Variants in SLC30A8 observed in about 807,000 individuals in gnomAD.
SLC30A8 encodes solute carrier family 30 member 8.
In SLC30A8, 27 loss-of-function variants were observed where a neutral mutation model predicts 36.9. The ratio of observed to expected loss-of-function variants is 0.73; its 90% confidence interval spans 0.54 to 1.01. SLC30A8 has a LOEUF of 1.01. SLC30A8 is among the 50% of genes least tolerant of loss of function. The pLI, the probability that SLC30A8 is intolerant of heterozygous loss-of-function variation, is 0.00. For missense variants in SLC30A8, 439 were observed against 452.0 expected, an observed-to-expected ratio of 0.97 and a Z score of 0.26; for synonymous variants, 164 against 172.4, an observed-to-expected ratio of 0.95 and a Z score of 0.38.
intron 2 of SLC30A8, among the ~76,000 whole-genome samples, chr8:117,090,376 T>C (rs1416199772): frequency 6.6e-6 from 1 of 152,224 alleles, no homozygotes; most frequent in Non-Finnish European, 1.5e-5. Flanking sequence ...AGCCTTTCTG[T>C]GTAAGGAGCC....
At position 117,171,115 on chromosome 8, in the gene SLC30A8, A is replaced by C. The variant is rs763719329; in HGVS notation, c.911A>C (p.His304Pro). ...VDGVLSVHSLHIWSLTMNQVI... is the reference protein window; with the variant it reads ...VDGVLSVHSLPIWSLTMNQVI... Reference sequence around the variant, plus strand: ...GGGGTGCTGTCTGTGCACAGCCTGCACATCTGGTCTCTAACAATGAATCAA... The same window carrying C: ...GGGGTGCTGTCTGTGCACAGCCTGCCCATCTGGTCTCTAACAATGAATCAA... The change falls in exon 7 of 8, where the codon CAC becomes CCC. Residue 304 changes from histidine (H) to proline (P), a missense_variant. By Grantham distance (77) the His-to-Pro change is moderately conservative. Transcript: ENST00000456015. 1 of 1,613,586 alleles carries C rather than the reference A, an allele frequency of 6.2e-7. No individual in the cohort carries two copies. Among genetic ancestry groups the C allele is most frequent in the South Asian group, 1.1e-5 (1 of 91,072 alleles).
chr8:116,989,146 C>T (rs1815546074), intron 1 of SLC30A8, among the ~76,000 whole-genome samples: 1 of 152,174 alleles, frequency 6.6e-6, no homozygotes, highest in Admixed American at 6.6e-5. Context: ...AATAAAGATG[C>T]TGGCAACTTT....
rs1017909219 is a variant in SLC30A8, at chr8:117,176,172, T to C, written c.*3491T>C. The C allele has an allele frequency of 1.3e-5, 2 of 152,282 alleles. No individual in the cohort carries two copies. The highest frequency in any genetic ancestry group is 2.9e-5 in the Non-Finnish European group (2 of 67,998). The allele number at this position is 152,282 out of a possible 1,614,324, so 9.4% of individuals were successfully genotyped here. A position where few individuals can be genotyped will look rare whatever the true frequency, so the allele number is the denominator to read the frequency against. On this transcript the variant is annotated 3_prime_UTR_variant, in exon 8 of 8. Transcript: ENST00000456015. ...GCAAATTTGGATCACTTACTTAATATCTGTTAAATTTTGTGACCCAACAAA... is the reference window on the plus strand; with the variant it reads ...GCAAATTTGGATCACTTACTTAATACCTGTTAAATTTTGTGACCCAACAAA...
intron 1 of SLC30A8, among the ~76,000 whole-genome samples, chr8:117,009,555 C>G (rs1310089342): frequency 6.6e-6 from 1 of 152,002 alleles, no homozygotes; most frequent in Non-Finnish European, 1.5e-5. Context: ...TTAACAAATC[C>G]CCAGTGACCT....
intron 2 of SLC30A8, among the ~76,000 whole-genome samples, chr8:117,050,648 C>T (rs143259071): frequency 5.1e-4 from 78 of 152,250 alleles, no homozygotes; most frequent in African/African-American, 1.4e-3. Context: ...TCAGGTGATC[C>T]GCCCTCTTTG....
rs1823573035 is a variant in SLC30A8 at position 117,174,540 on chromosome 8, G to A, written c.*1859G>A. 6.6e-6 allele frequency: 1 copy of A among 152,514 alleles called. No individual in the cohort carries two copies. The highest frequency in any genetic ancestry group is 1.5e-5 in the Non-Finnish European group (1 of 68,024). The allele number at this position is 152,514 out of a possible 1,614,324, so 9.4% of individuals were successfully genotyped here. On this transcript the variant is annotated 3_prime_UTR_variant, in exon 8 of 8. Coordinates refer to ENST00000456015, the MANE Select transcript of SLC30A8 (RefSeq NM_173851.3). ...CCTGCCACATCGGGTTCTCAAAATG[G>A]AAAGAATGGTTTATGCCAAATCACT...
intron 2 of SLC30A8, among the ~76,000 whole-genome samples, chr8:117,064,582 A>C (rs1818111794): frequency 6.6e-6 from 1 of 152,252 alleles, no homozygotes; most frequent in African/African-American, 2.4e-5. Flanking sequence ...GAGTGATCAC[A>C]GGTTACTGAT....
intron 2 of SLC30A8, among the ~76,000 whole-genome samples, chr8:117,074,317 G>A (rs1001696825): frequency 4.6e-5 from 7 of 152,046 alleles, no homozygotes; most frequent in Non-Finnish European, 8.8e-5. Context: ...GAGTCAACAT[G>A]GAACAAAAGA....
At chr8:116,959,282 C>A (rs1814333212) in intron 1 of SLC30A8, among the ~76,000 whole-genome samples, 1 of 152,114 alleles carries the variant, frequency 6.6e-6, no homozygotes, top group Non-Finnish European at 1.5e-5. Context: ...TACTTTTGAT[C>A]TCCCACATTA....
intron 2 of SLC30A8, among the ~76,000 whole-genome samples, chr8:117,102,630 T>A (rs1819776615): frequency 6.6e-6 from 1 of 152,170 alleles, no homozygotes; most frequent in Non-Finnish European, 1.5e-5. Flanking sequence ...AGGGAAGACT[T>A]CTTCTTTGCT....
chr8:117,111,766 A>T (rs1243124324), intron 2 of SLC30A8, among the ~76,000 whole-genome samples: 1 of 152,166 alleles, frequency 6.6e-6, no homozygotes, highest in African/African-American at 2.4e-5. Context: ...GACCTGGAGG[A>T]AGCCACAGCT....
At chr8:117,144,160 G>C (rs1390674772) in intron 1 of SLC30A8, among the ~76,000 whole-genome samples, 1 of 152,174 alleles carries the variant, frequency 6.6e-6, no homozygotes, top group African/African-American at 2.4e-5. Context: ...AGGTTCCTCT[G>C]AGATGATGGC....
intron 2 of SLC30A8, among the ~76,000 whole-genome samples, chr8:117,051,109 A>G (rs1162752188): frequency 6.6e-6 from 1 of 152,248 alleles, no homozygotes; most frequent in Non-Finnish European, 1.5e-5. Context: ...AGAGACAGAA[A>G]GAGAAAAAGT....
At position 117,112,022 on chromosome 8, in the gene SLC30A8, G is replaced by A. The variant is rs148752350; in HGVS notation, c.-225-23258G>A. ...GGCTGCAGGGACTCAGAGACAAGCAGCAGCATCTGGGCTATGCGTCCCTCT... is the reference window on the plus strand; with the variant it reads ...GGCTGCAGGGACTCAGAGACAAGCAACAGCATCTGGGCTATGCGTCCCTCT... On this transcript the variant is annotated intron_variant, in intron 2 of 10. Coordinates refer to the SLC30A8 transcript ENST00000427715. Among the ~76,000 whole-genome samples the A allele has an allele frequency of 3.9e-3, 588 of 152,196 alleles. 1 individual carries two copies. The highest frequency in any genetic ancestry group is 6.7e-3 in the Non-Finnish European group (454 of 68,004).
chr8:117,131,207 C>T (rs1253667339), upstream of SLC30A8, among the ~76,000 whole-genome samples: 1 of 151,908 alleles, frequency 6.6e-6, no homozygotes, highest in South Asian at 2.1e-4. Context: ...TACATATTTA[C>T]TTTAGATTAA....
rs10623413 is a variant in SLC30A8, at chr8:116,968,648, A to AATATAT, written c.-266+17542_-266+17547dup. 2.8e-3 allele frequency among the ~76,000 whole-genome samples: 422 copies of AATATAT among 149,370 alleles called. 3 individuals carry two copies. The highest frequency in any genetic ancestry group is 8.2e-3 in the African/African-American group (333 of 40,756). ...AGGCACTGCAGGTCTCATGACAATG[A>AATATAT]ATATATATATATATATATTCCATTC... On this transcript the variant is annotated intron_variant, in intron 1 of 10. Transcript: ENST00000427715.
chr8:117,019,243 C>T (rs891955602), intron 1 of SLC30A8, among the ~76,000 whole-genome samples: 6 of 152,110 alleles, frequency 3.9e-5, no homozygotes, highest in South Asian at 2.1e-4. Flanking sequence ...TGAAGCTCAA[C>T]GCATTTTTAA....
chr8:117,108,392 A>G (rs1000033806), intron 2 of SLC30A8, among the ~76,000 whole-genome samples: 1 of 152,220 alleles, frequency 6.6e-6, no homozygotes, highest in Non-Finnish European at 1.5e-5. Context: ...TGCTAAATTC[A>G]GACTTTTCTA....
At chr8:117,022,746 A>T (rs906997755) in intron 1 of SLC30A8, among the ~76,000 whole-genome samples, 3 of 152,246 alleles carry the variant, frequency 2.0e-5, no homozygotes, top group Non-Finnish European at 4.4e-5. Flanking sequence ...TCAAAGACTT[A>T]AATGTTAGAC....
Sources: gnomAD v4.1 joint callset for allele counts (sites outside exome capture counted in the v4.1 genomes callset) on GRCh38, gnomAD v4.1.1 for gene constraint, MANE v1.5 for transcripts, NCBI Gene and HGNC (gene_info 2026-07-23, HGNC 2026-07-21) for gene names.